Variants in CHD2 observed in about 807,000 individuals in gnomAD.
CHD2 encodes chromodomain helicase DNA binding protein 2.
CHD2 carries 28 observed loss-of-function variants against 243.9 expected under a neutral mutation model. That is an observed-to-expected ratio of 0.11 (90% confidence interval 0.09 to 0.16). The LOEUF is 0.16. Ranked by LOEUF, CHD2 falls within the 10% of genes least tolerant of loss-of-function variation. The pLI, the probability that CHD2 is intolerant of heterozygous loss-of-function variation, is 1.00. For synonymous variants in CHD2, 775 were observed against 779.0 expected, an observed-to-expected ratio of 0.99 and a Z score of 0.09; for missense variants, 1,386 against 2,209.8, an observed-to-expected ratio of 0.63 and a Z score of 7.47.
rs2141850537 is a variant in CHD2, at chr15:92,984,312, T to C, written c.3067-18T>C. 1 of 1,516,062 alleles carries C rather than the reference T, an allele frequency of 6.6e-7. No homozygotes were observed. The highest frequency in any genetic ancestry group is 8.8e-7 in the Non-Finnish European group (1 of 1,129,944). The allele number at this position is 1,516,062 out of a possible 1,614,324, so 93.9% of individuals were successfully genotyped here. A position where few individuals can be genotyped will look rare whatever the true frequency, so the allele number is the denominator to read the frequency against. On this transcript the variant is annotated intron_variant, in intron 24 of 38. Coordinates refer to ENST00000394196, the MANE Select transcript of CHD2 (RefSeq NM_001271.4). Reference sequence around the variant, plus strand: ...TTAGAAATAGGGAAATGTCAGACAATGGGTTGTCTGTTTTAAGGTTGCCAA... The same window carrying C: ...TTAGAAATAGGGAAATGTCAGACAACGGGTTGTCTGTTTTAAGGTTGCCAA...
At position 92,942,008 on chromosome 15, in the gene CHD2, G is replaced by C. The variant is rs536510446; in HGVS notation, c.826+53G>C. ...TTTTATGTATGCTTAGTAAGACTTAGATTTTAGGTATTTTAACTCTAATGT... is the reference window on the plus strand; with the variant it reads ...TTTTATGTATGCTTAGTAAGACTTACATTTTAGGTATTTTAACTCTAATGT... On this transcript the variant is annotated intron_variant, in intron 8 of 38. Coordinates refer to ENST00000394196, the MANE Select transcript of CHD2 (RefSeq NM_001271.4). 15 of 1,539,628 alleles carry C rather than the reference G, an allele frequency of 9.7e-6. No homozygotes were observed. In the African/African-American group the frequency reaches 1.7e-4, roughly 17 times the overall value.
rs543808972 is a variant in CHD2 at position 93,020,297 on chromosome 15, G to A, written c.5153+39G>A. ...TGTGAGACACCAGGTGCCAACCTTT[G>A]CCAGGAGCTGTTTCTAGGGAGAAAG... On this transcript the variant is annotated intron_variant, in intron 38 of 38. Transcript: ENST00000394196. The A allele has an allele frequency of 9.3e-6, 15 of 1,613,108 alleles. No homozygotes were observed. In the African/African-American group the frequency reaches 1.2e-4, roughly 13 times the overall value.
At chr15:92,926,040 C>T (rs1377249011) in intron 3 of CHD2, among the ~76,000 whole-genome samples, 2 of 152,176 alleles carry the variant, frequency 1.3e-5, no homozygotes, top group African/African-American at 2.4e-5. Flanking sequence ...GGTGCAATCA[C>T]AGCTCACTGC....
chr15:92,964,800 T>C (rs971119655), intron 16 of CHD2, among the ~76,000 whole-genome samples: 2 of 152,222 alleles, frequency 1.3e-5, no homozygotes, highest in Non-Finnish European at 2.9e-5. Flanking sequence ...AAGACCATCA[T>C]GTGCAAATAT....
intron 28 of CHD2, among the ~76,000 whole-genome samples, chr15:92,996,258 C>G (rs1182057982): frequency 2.0e-5 from 3 of 149,182 alleles, no homozygotes; most frequent in Non-Finnish European, 4.4e-5. Context: ...CTCCTGGGTT[C>G]ACACCATTCT....
intron 2 of CHD2, among the ~76,000 whole-genome samples, chr15:92,921,957 G>A (rs1881837): frequency 0.78 from 118,883 of 152,060 alleles, 47,549 homozygotes; most frequent in East Asian, 1. Context: ...CAGGTATAAA[G>A]TAAATGACTC....
At chr15:93,002,104 T>C in intron 32 of CHD2, 73 bp from the exon 33 acceptor site, 2 of 1,529,860 alleles carry the variant, frequency 1.3e-6, no homozygotes, top group South Asian at 1.3e-5. Context: ...GGGGCAGTGC[T>C]TCTTTTTCCA....
chr15:92,979,319 A>G (rs2053947568), intron 22 of CHD2, 36 bp downstream of exon 22: 1 of 1,606,644 alleles, frequency 6.2e-7, no homozygotes, highest in Admixed American at 1.7e-5. Flanking sequence ...AGGCAGAATC[A>G]AATTGATTCT....
chr15:92,951,662 G>A (rs894696829), intron 13 of CHD2, among the ~76,000 whole-genome samples: 1 of 152,146 alleles, frequency 6.6e-6, no homozygotes, highest in Non-Finnish European at 1.5e-5. Flanking sequence ...CTAGGGGCAG[G>A]AAATACTGGA....
intron 2 of CHD2, chr15:92,904,629 A>T: frequency 8.4e-7 from 1 of 1,187,188 alleles, no homozygotes; most frequent in South Asian, 2.1e-5. Flanking sequence ...ATTTCCGGGA[A>T]TGGTTTATCC....
intron 12 of CHD2, 123 bp from the exon 13 acceptor site, chr15:92,948,829 A>T: frequency 9.3e-7 from 1 of 1,081,004 alleles, no homozygotes; most frequent in Non-Finnish European, 1.3e-6. Flanking sequence ...ACAGAGCAAG[A>T]CTCCGTCTCA....
At chr15:92,969,834 C>T (rs1490921559) in intron 17 of CHD2, among the ~76,000 whole-genome samples, 4 of 139,190 alleles carry the variant, frequency 2.9e-5, no homozygotes, top group East Asian at 2.1e-4. Context: ...TTTTTTGAGA[C>T]GGAGTCTCAC....
chr15:92,920,900 G>A (rs752212612), intron 2 of CHD2, among the ~76,000 whole-genome samples: 1 of 152,204 alleles, frequency 6.6e-6, no homozygotes, highest in Non-Finnish European at 1.5e-5. Flanking sequence ...TTATTGGGGA[G>A]GTTGACAAGC....
At chr15:92,950,065 C>G (rs2053531889) in intron 13 of CHD2, among the ~76,000 whole-genome samples, 1 of 152,090 alleles carries the variant, frequency 6.6e-6, no homozygotes, top group Non-Finnish European at 1.5e-5. Context: ...ATAACATTTC[C>G]AAATAAGGAA....
intron 37 of CHD2, among the ~76,000 whole-genome samples, chr15:93,018,657 C>T (rs1344786710): frequency 4.6e-5 from 7 of 152,328 alleles, no homozygotes; most frequent in African/African-American, 1.7e-4. Context: ...TTGGTTCCTT[C>T]TGGAGGCTCC....
intron 33 of CHD2, among the ~76,000 whole-genome samples, chr15:93,002,704 T>C (rs12438635): frequency 0.44 from 66,212 of 152,086 alleles, 15,852 homozygotes; most frequent in East Asian, 0.83. Flanking sequence ...AAAACAAATA[T>C]TAGCAAGAGT....
rs1596402008 is a variant in CHD2, at chr15:92,949,139, C to G, written c.1502+63C>G. On this transcript the variant is annotated intron_variant, in intron 13 of 38. Coordinates refer to ENST00000394196, the MANE Select transcript of CHD2 (RefSeq NM_001271.4). ...TTCTGGCTTCTTTATTGTTAGATGTCAAGAATTTTTTTTTTCTTTTTTCAC... is the reference window on the plus strand; with the variant it reads ...TTCTGGCTTCTTTATTGTTAGATGTGAAGAATTTTTTTTTTCTTTTTTCAC... The G allele has an allele frequency of 1.1e-5, 17 of 1,577,790 alleles. No individual in the cohort carries two copies. In the East Asian group the frequency reaches 3.6e-4, roughly 33 times the overall value.
At chr15:92,950,992 T>C (rs1360031573) in intron 13 of CHD2, among the ~76,000 whole-genome samples, 1 of 152,186 alleles carries the variant, frequency 6.6e-6, no homozygotes, top group African/African-American at 2.4e-5. Flanking sequence ...TTTTTCCTTT[T>C]AGAGGTTAGT....
intron 23 of CHD2, 22 bp downstream of exon 23, chr15:92,980,933 G>A (rs550073079): frequency 5.8e-6 from 9 of 1,555,608 alleles, no homozygotes; most frequent in Admixed American, 1.7e-5. Flanking sequence ...TGAGGAGAGG[G>A]AAATTTTTTT....
Sources: gnomAD v4.1 joint callset for allele counts (sites outside exome capture counted in the v4.1 genomes callset) on GRCh38, gnomAD v4.1.1 for gene constraint, MANE v1.5 for transcripts, NCBI Gene and HGNC (gene_info 2026-07-23, HGNC 2026-07-21) for gene names.